The following PHF20 variants were observed in gnomAD, a reference collection of about 807,000 sequenced individuals.
The protein encoded by PHF20 is glioma-expressed antigen 2.
PHF20 carries 23 observed loss-of-function variants against 113.5 expected under a neutral mutation model. The observed-to-expected ratio is 0.20, with a 90% CI of 0.15 to 0.29. The LOEUF is 0.29. PHF20 is among the 10% of genes least tolerant of loss of function. The pLI is 1.00. For synonymous variants in PHF20, 434 were observed against 457.3 expected, an observed-to-expected ratio of 0.95 and a Z score of 0.65; for missense variants, 943 against 1,219.6, an observed-to-expected ratio of 0.77 and a Z score of 3.38.
intron 14 of PHF20, among the ~76,000 whole-genome samples, chr20:35,930,311 C>T (rs979642328): frequency 2.6e-5 from 4 of 152,270 alleles, no homozygotes; most frequent in South Asian, 2.1e-4. Flanking sequence ...CCTACTCTTT[C>T]GGCTCTTAAT....
chr20:35,864,364 A>C (rs2054274612), intron 6 of PHF20, among the ~76,000 whole-genome samples: 1 of 151,186 alleles, frequency 6.6e-6, no homozygotes, highest in South Asian at 2.1e-4. Context: ...TGAGCCCAAG[A>C]ATTCCAAACC....
At chr20:35,893,954 A>G (rs1662041923) in intron 9 of PHF20, among the ~76,000 whole-genome samples, 1 of 152,232 alleles carries the variant, frequency 6.6e-6, no homozygotes, top group South Asian at 2.1e-4. Flanking sequence ...AGATAAAACA[A>G]TGTTCAGTAT....
intron 9 of PHF20, among the ~76,000 whole-genome samples, chr20:35,883,382 T>G (rs1472443656): frequency 2.0e-5 from 3 of 152,050 alleles, no homozygotes; most frequent in Admixed American, 2.0e-4. Flanking sequence ...CATGAAGGAG[T>G]GAGTTAGCTA....
At chr20:35,868,475 A>G (rs1388253027) in intron 6 of PHF20, among the ~76,000 whole-genome samples, 3 of 149,866 alleles carry the variant, frequency 2.0e-5, no homozygotes, top group Non-Finnish European at 4.4e-5. Context: ...TAGGTATGGC[A>G]GGTGCCTGTA....
intron 10 of PHF20, among the ~76,000 whole-genome samples, chr20:35,906,535 G>A (rs117496573): frequency 6.9e-4 from 98 of 142,022 alleles, no homozygotes; most frequent in South Asian, 1.7e-3. Flanking sequence ...CTTTCTCCCC[G>A]TTGTTCCACC....
In PHF20 at chr20:35,855,306, G is replaced by A. The variant is rs763257475; in HGVS notation, c.341-2996G>A. On this transcript the variant is annotated intron_variant, in intron 4 of 17. Transcript: ENST00000374012. ...AGACCTTTGTTGTAAGTACTCATAA[G>A]TCATTGCTGAGCTGCCTGTGTAGAT... 1.1e-5 allele frequency: 14 copies of A among 1,280,482 alleles called. No individual in the cohort carries two copies. The African/African-American group carries it at 2.1e-4, about 19-fold the overall frequency. 79.3% of individuals were successfully genotyped at this position (1,280,482 alleles called of 1,614,324 possible).
At chr20:35,941,491 A>G (rs1038806919) in intron 17 of PHF20, among the ~76,000 whole-genome samples, 1 of 152,150 alleles carries the variant, frequency 6.6e-6, no homozygotes, top group African/African-American at 2.4e-5. Flanking sequence ...GCCAGTAGAG[A>G]TTTGAGAATT....
At chr20:35,826,707 T>G (rs1045451112) in intron 2 of PHF20, among the ~76,000 whole-genome samples, 1 of 152,184 alleles carries the variant, frequency 6.6e-6, no homozygotes, top group African/African-American at 2.4e-5. Flanking sequence ...TTGATCCTTC[T>G]TAGTAACAGA....
chr20:35,936,516 C>CATACA (rs2055867777), intron 15 of PHF20, among the ~76,000 whole-genome samples: 1 of 152,176 alleles, frequency 6.6e-6, no homozygotes, highest in East Asian at 1.9e-4. Flanking sequence ...CATGGAGGCA[C>CATACA]AGCTTTCAGT....
Position 35,939,076 on chromosome 20 carries a change from G to A in PHF20, c.2680G>A (p.Gly894Arg). 1 of 1,612,040 alleles carries A rather than the reference G, an allele frequency of 6.2e-7. No individual in the cohort carries two copies. The highest frequency in any genetic ancestry group is 8.5e-7 in the Non-Finnish European group (1 of 1,178,562). The change falls in exon 16 of 18, where the codon GGG (glycine) becomes AGG (arginine). Residue 894 changes from glycine to arginine, a missense_variant. Transcript: ENST00000374012. ...GWPLDQDRSK[G>R]DSDPKPGSPK... ...GCCTCTAGACCAAGACAGGAGCAAG[G>A]GGGACAGTGACCCCAAACCCGGCTC...
chr20:35,912,797 A>T (rs977072792), intron 10 of PHF20, among the ~76,000 whole-genome samples: 1 of 152,144 alleles, frequency 6.6e-6, no homozygotes, highest in African/African-American at 2.4e-5. Context: ...GCGCCACTGC[A>T]CTCCAGCCTG....
chr20:35,801,509 G>T lies in PHF20; in HGVS notation c.-14G>T, dbSNP rs748461680. ...TTTTCAGGAGAATAAAGGCAGCCCCGTTGATGACTGAAAATGACAAAGCAT... is the reference window on the plus strand; with the variant it reads ...TTTTCAGGAGAATAAAGGCAGCCCCTTTGATGACTGAAAATGACAAAGCAT... On this transcript the variant is annotated 5_prime_UTR_variant, in exon 2 of 18. Transcript: ENST00000374012. 3.1e-6 allele frequency: 5 copies of T among 1,603,266 alleles called. No homozygotes were observed. The highest frequency in any genetic ancestry group is 4.3e-6 in the Non-Finnish European group (5 of 1,171,868).
chr20:35,808,549 C>T (rs1214190998), intron 2 of PHF20, among the ~76,000 whole-genome samples: 1 of 151,676 alleles, frequency 6.6e-6, no homozygotes, highest in Non-Finnish European at 1.5e-5. Flanking sequence ...CGTATTTTCC[C>T]CTTTAATCTT....
At chr20:35,884,030 A>G (rs1341530324) in intron 9 of PHF20, among the ~76,000 whole-genome samples, 1 of 152,102 alleles carries the variant, frequency 6.6e-6, no homozygotes, top group Non-Finnish European at 1.5e-5. Context: ...AAATGTCTTG[A>G]TCTGGAAACT....
At chr20:35,855,324 G>A (rs886508672) in intron 4 of PHF20, 3 of 1,102,356 alleles carry the variant, frequency 2.7e-6, no homozygotes, top group Non-Finnish European at 3.7e-6. Flanking sequence ...TGAGCTGCCT[G>A]TGTAGATAAT....
At chr20:35,789,905 A>G (rs1218751221) in intron 1 of PHF20, among the ~76,000 whole-genome samples, 2 of 123,972 alleles carry the variant, frequency 1.6e-5, no homozygotes, top group Non-Finnish European at 3.1e-5. Context: ...CCCAGTCCGG[A>G]GTGCAGTGGC....
chr20:35,922,004 GGTGTGTTTGA>G (rs2055526721), intron 13 of PHF20, among the ~76,000 whole-genome samples: 1 of 152,174 alleles, frequency 6.6e-6, no homozygotes, highest in Non-Finnish European at 1.5e-5. Flanking sequence ...CAAGGATCTT[GGTGTGTTTGA>G]GGGTAGAGGT....
At chr20:35,831,019 G>T (rs888519318) in intron 2 of PHF20, among the ~76,000 whole-genome samples, 1 of 152,156 alleles carries the variant, frequency 6.6e-6, no homozygotes, top group Non-Finnish European at 1.5e-5. Context: ...GAAGGAATAA[G>T]TGCCAAATCT....
chr20:35,897,781 A>T (rs2055015395), intron 9 of PHF20, among the ~76,000 whole-genome samples: 1 of 151,518 alleles, frequency 6.6e-6, no homozygotes, highest in Non-Finnish European at 1.5e-5. Flanking sequence ...GTTAGCCAGG[A>T]TGGTCTCAAT....
Sources: allele counts gnomAD v4.1 joint callset (sites outside exome capture counted in the v4.1 genomes callset), GRCh38; gene constraint gnomAD v4.1.1; transcripts MANE v1.5; gene names NCBI Gene and HGNC (gene_info 2026-07-23, HGNC 2026-07-21).